SIN3A: variants seen among roughly 807,000 people sequenced by gnomAD.
SIN3A encodes SIN3 transcription regulator family member A.
In SIN3A, 14 loss-of-function variants were observed where a neutral mutation model predicts 146.1. The observed-to-expected ratio is 0.10, with a 90% confidence interval of 0.06 to 0.15. The LOEUF (loss-of-function observed/expected upper bound fraction) is 0.15, where lower values mean the gene tolerates loss of function less well. Ranked by LOEUF, SIN3A falls within the 10% of genes least tolerant of loss-of-function variation. SIN3A has a pLI of 1.00. For missense variants in SIN3A, 1,028 were observed against 1,576.0 expected, an observed-to-expected ratio of 0.65 and a Z score of 5.89; for synonymous variants, 572 against 572.0, an observed-to-expected ratio of 1.00 and a Z score of 0.00.
Position 75,412,792 on chromosome 15 carries a change from G to C in SIN3A, c.727C>G (p.Pro243Ala). The change falls in exon 5 of 21, where the codon CCT becomes GCT. Residue 243 changes from proline to alanine, a missense_variant. Pro to Ala is a conservative substitution (Grantham distance 27). This residue lies in a region of SIN3A where 112 missense variants were observed against 135.7 expected (regional missense o/e 0.83). Transcript: ENST00000394947. The stretch of plus-strand genomic sequence containing the variant: ...CTGACTTTGGCAGGTGGGGGCTGAG[G>C]AGCTGGCTGGGCAGGAGCTGGGGCT... Reference protein sequence around the residue: ...QSAPAPAQPAPQPPPAKVSKP... With the variant: ...QSAPAPAQPAAQPPPAKVSKP... 6.3e-7 allele frequency: 1 copy of C among 1,598,902 alleles called. No individual in the cohort carries two copies. Among genetic ancestry groups the C allele is most frequent in the Non-Finnish European group, 8.5e-7 (1 of 1,170,630 alleles).
chr15:75,407,379 C>T (rs1307072696), intron 8 of SIN3A, among the ~76,000 whole-genome samples: 1 of 152,102 alleles, frequency 6.6e-6, no homozygotes, highest in Non-Finnish European at 1.5e-5. Flanking sequence ...CATTCTACCC[C>T]CAAAATATTT....
At chr15:75,425,224 G>A (rs903573374) in intron 2 of SIN3A, among the ~76,000 whole-genome samples, 4 of 152,354 alleles carry the variant, frequency 2.6e-5, no homozygotes, top group Non-Finnish European at 5.9e-5. Flanking sequence ...AGGCTGGAGT[G>A]CAGTAGCACA....
chr15:75,416,375 GA>G, intron 3 of SIN3A, among the ~76,000 whole-genome samples: 1 of 152,178 alleles, frequency 6.6e-6, no homozygotes, highest in African/African-American at 2.4e-5. Flanking sequence ...GCCCAGGCTG[GA>G]GTGCAGTGGT....
At chr15:75,425,586 A>G (rs2073911684) in intron 2 of SIN3A, among the ~76,000 whole-genome samples, 1 of 152,154 alleles carries the variant, frequency 6.6e-6, no homozygotes, top group Non-Finnish European at 1.5e-5. Context: ...CTATTCTTTT[A>G]TCTCAGTCTT....
chr15:75,452,845 T>C (rs1253396094), upstream of SIN3A: 1 of 152,284 alleles, frequency 6.6e-6, no homozygotes, highest in Non-Finnish European at 1.5e-5. Flanking sequence ...AAAATTTCCG[T>C]AGTTGGGGAC....
At chr15:75,415,870 A>G in intron 3 of SIN3A, 2 of 206,484 alleles carry the variant, frequency 9.7e-6, no homozygotes, top group Non-Finnish European at 2.0e-5. Context: ...AAAAAAAAAA[A>G]AAAAAGTCCC....
At chr15:75,410,019 T>G in intron 7 of SIN3A, 28 bp from the exon 8 acceptor site, 2 of 1,612,292 alleles carry the variant, frequency 1.2e-6, no homozygotes, top group Non-Finnish European at 1.7e-6. Flanking sequence ...ATGAGATTAA[T>G]GCTCTTATCA....
At chr15:75,413,263 G>T (rs975892896) in intron 4 of SIN3A, among the ~76,000 whole-genome samples, 12 of 152,046 alleles carry the variant, frequency 7.9e-5, no homozygotes, top group African/African-American at 2.9e-4. Flanking sequence ...TGGGATTACA[G>T]GCATGCGCCA....
intron 1 of SIN3A, among the ~76,000 whole-genome samples, chr15:75,446,729 C>T (rs879595962): frequency 1.3e-5 from 2 of 151,976 alleles, no homozygotes; most frequent in East Asian, 1.9e-4. Context: ...TGGACTCAAA[C>T]GATCCTCCCA....
chr15:75,385,144 C>T lies in SIN3A; in HGVS notation c.3022-707G>A, dbSNP rs1299977488. 2.0e-5 allele frequency among the ~76,000 whole-genome samples: 3 copies of T among 152,150 alleles called. No homozygotes were observed. The East Asian group carries it at 5.8e-4, about 29-fold the overall frequency. The stretch of plus-strand genomic sequence containing the variant: ...GCCGAGACTGCACCACTGCAAAGCT[C>T]ACCGTGAGCTGGGGTGAGGAAGGGA... On this transcript the variant is annotated intron_variant, in intron 16 of 20. Coordinates refer to ENST00000394947, the MANE Select transcript of SIN3A (RefSeq NM_001145358.2).
At chr15:75,434,579 G>A (rs376121972) in intron 1 of SIN3A, among the ~76,000 whole-genome samples, 18 of 152,034 alleles carry the variant, frequency 1.2e-4, no homozygotes, top group African/African-American at 4.3e-4. Flanking sequence ...GAACCTGGGA[G>A]GTGGAGGTTG....
chr15:75,443,822 G>C (rs988325039), intron 1 of SIN3A: 1 of 152,240 alleles, frequency 6.6e-6, no homozygotes, highest in Non-Finnish European at 1.5e-5. Flanking sequence ...TAGGAGGGAT[G>C]ATCACTTGAG....
chr15:75,373,096 A>ATT (rs2072784204), intron 20 of SIN3A, among the ~76,000 whole-genome samples: 1 of 152,226 alleles, frequency 6.6e-6, no homozygotes, highest in African/African-American at 2.4e-5. Flanking sequence ...TCCCACCAAC[A>ATT]CATTCAATAA....
At chr15:75,385,389 G>A (rs2073058735) in intron 16 of SIN3A, among the ~76,000 whole-genome samples, 1 of 152,152 alleles carries the variant, frequency 6.6e-6, no homozygotes, top group Non-Finnish European at 1.5e-5. Context: ...AAAGTATAGG[G>A]CTTAAGTTGT....
chr15:75,400,986 C>T lies in SIN3A; in HGVS notation c.1527-46G>A. On this transcript the variant is annotated intron_variant, in intron 10 of 20. Transcript: ENST00000394947. Reference sequence around the variant, plus strand: ...GTGACAAGCAATTAGGGGCAGGATGCAGTTATCCTGAGGTATGACTACTAC... The same window carrying T: ...GTGACAAGCAATTAGGGGCAGGATGTAGTTATCCTGAGGTATGACTACTAC... 4 of 1,369,174 alleles carry T rather than the reference C, an allele frequency of 2.9e-6. No individual in the cohort carries two copies. The South Asian group carries it at 3.5e-5, about 12-fold the overall frequency. The allele number at this position is 1,369,174 out of a possible 1,614,324, so 84.8% of individuals were successfully genotyped here.
At chr15:75,440,896 G>C (rs1168967578) in intron 1 of SIN3A, among the ~76,000 whole-genome samples, 1 of 151,320 alleles carries the variant, frequency 6.6e-6, no homozygotes, top group Non-Finnish European at 1.5e-5. Context: ...GCAGGAGAAT[G>C]GCGTGAACCT....
intron 1 of SIN3A, 148 bp downstream of exon 1, chr15:75,451,275 A>AC (rs1191230410): frequency 5.0e-5 from 1 of 19,816 alleles, no homozygotes; most frequent in Admixed American, 6.7e-4. Flanking sequence ...TCCGCCCCCC[A>AC]CCCCCCTCAC....
chr15:75,397,356 T>G (rs1481994989), intron 12 of SIN3A, among the ~76,000 whole-genome samples: 1 of 152,182 alleles, frequency 6.6e-6, no homozygotes, highest in Non-Finnish European at 1.5e-5. Flanking sequence ...CCCTTATGAT[T>G]GGATAGGGCC....
chr15:75,445,962 GC>G (rs1042220966), intron 1 of SIN3A, among the ~76,000 whole-genome samples: 23 of 152,094 alleles, frequency 1.5e-4, no homozygotes, highest in African/African-American at 4.6e-4. Flanking sequence ...TCAGCATACT[GC>G]TTTGTCTTGT....
Sources: allele counts gnomAD v4.1 joint callset (sites outside exome capture counted in the v4.1 genomes callset), GRCh38; gene constraint gnomAD v4.1.1; regional missense constraint gnomAD v4.1.1; transcripts MANE v1.5; gene names NCBI Gene and HGNC (gene_info 2026-07-23, HGNC 2026-07-21).